The following CYP2F1 variants were observed in gnomAD, a reference collection of about 807,000 sequenced individuals.
CYP2F1 encodes cytochrome P450 2F1.
CYP2F1 carries 33 observed loss-of-function variants against 40.4 expected under a neutral mutation model. That is an observed-to-expected ratio of 0.82 (90% CI 0.62 to 1.09). CYP2F1 has a LOEUF of 1.09. Ranked by LOEUF, CYP2F1 falls within the 50% of genes least tolerant of loss-of-function variation. The pLI is 0.00. For missense variants in CYP2F1, 566 were observed against 655.7 expected, an observed-to-expected ratio of 0.86 and a Z score of 1.49; for synonymous variants, 235 against 277.2, an observed-to-expected ratio of 0.85 and a Z score of 1.51.
chr19:41,123,174 C>T (rs1262319947), intron 7 of CYP2F1: 1 of 690,054 alleles, frequency 1.4e-6, no homozygotes. Flanking sequence ...CCAGATCCCA[C>T]CCGCTTAATT....
chr19:41,121,188 T>TG (rs2032175640), intron 4 of CYP2F1, among the ~76,000 whole-genome samples: 1 of 152,038 alleles, frequency 6.6e-6, no homozygotes, highest in Non-Finnish European at 1.5e-5. Context: ...GCGTGCTGTG[T>TG]GTTGTGTTGC....
chr19:41,125,830 T>C (rs1290896770), intron 9 of CYP2F1, 196 bp downstream of exon 9: 1 of 1,233,258 alleles, frequency 8.1e-7, no homozygotes, highest in East Asian at 3.1e-5. Flanking sequence ...GGTGGGGAGG[T>C]TGATTAATAA....
chr19:41,119,784 CAT>C (rs1469825502), intron 3 of CYP2F1, among the ~76,000 whole-genome samples: 46 of 117,070 alleles, frequency 3.9e-4, no homozygotes, highest in African/African-American at 8.2e-4. Context: ...CACACACACA[CAT>C]ATATATTAGG....
Sources: allele counts gnomAD v4.1 joint callset (sites outside exome capture counted in the v4.1 genomes callset), GRCh38; gene constraint gnomAD v4.1.1; transcripts MANE v1.5; gene names NCBI Gene and HGNC (gene_info 2026-07-23, HGNC 2026-07-21).